CALN1: variants seen among roughly 807,000 people sequenced by gnomAD.
CALN1 encodes calcium-binding protein 8.
CALN1 carries 17 observed loss-of-function variants against 30.6 expected under a neutral mutation model. That is an observed-to-expected ratio of 0.56 (90% CI 0.38 to 0.83). The LOEUF (loss-of-function observed/expected upper bound fraction) is 0.83, where lower values mean the gene tolerates loss of function less well. Among genes scored for constraint, CALN1 ranks in the 40% least tolerant of loss-of-function variants. The pLI, the probability that CALN1 is intolerant of heterozygous loss-of-function variation, is 0.00. For synonymous variants in CALN1, 156 were observed against 131.4 expected (o/e 1.19, Z -1.28); for missense variants, 291 against 354.9 (o/e 0.82, Z 1.45).
At chr7:72,219,112 C>T (rs748543789) in intron 3 of CALN1, among the ~76,000 whole-genome samples, 1 of 152,172 alleles carries the variant, frequency 6.6e-6, no homozygotes, top group African/African-American at 2.4e-5. Context: ...AAGCACTCAG[C>T]CATTCTATTT....
At chr7:72,414,002 C>T (rs990390489), upstream of CALN1, among the ~76,000 whole-genome samples, 1 of 152,076 alleles carries the variant, frequency 6.6e-6, no homozygotes, top group Admixed American at 6.6e-5. Context: ...TTTTTGAGTC[C>T]CCTGCTACAA....
chr7:72,470,058 G>A, the CALN1 span, among the ~76,000 whole-genome samples: 2 of 152,128 alleles, frequency 1.3e-5, no homozygotes, highest in Admixed American at 6.6e-5. Context: ...ACATAGGCAC[G>A]TATGAGACAC....
At chr7:72,361,464 C>T (rs2129559799) in intron 2 of CALN1, among the ~76,000 whole-genome samples, 1 of 152,296 alleles carries the variant, frequency 6.6e-6, no homozygotes, top group South Asian at 2.1e-4. Context: ...TATGATGGCA[C>T]CACTGCACTC....
intron 4 of CALN1, among the ~76,000 whole-genome samples, chr7:72,105,070 G>A (rs567575854): frequency 3.3e-5 from 5 of 151,568 alleles, no homozygotes; most frequent in African/African-American, 1.2e-4. Context: ...GGTGCTTGGC[G>A]TTCTGCTCCT....
At chr7:72,050,682 A>C (rs1342261952) in intron 4 of CALN1, among the ~76,000 whole-genome samples, 1 of 152,200 alleles carries the variant, frequency 6.6e-6, no homozygotes. Context: ...TTGTTTTCAG[A>C]TGTAATTCAT....
At chr7:72,374,843 G>A (rs548896691) in intron 2 of CALN1, among the ~76,000 whole-genome samples, 2 of 152,100 alleles carry the variant, frequency 1.3e-5, no homozygotes, top group Non-Finnish European at 2.9e-5. Context: ...TTGCTCAAAT[G>A]AAAACCTGTA....
intron 3 of CALN1, among the ~76,000 whole-genome samples, chr7:72,209,965 T>A (rs1792276273): frequency 6.6e-6 from 1 of 152,126 alleles, no homozygotes; most frequent in African/African-American, 2.4e-5. Context: ...TTCTAGATAA[T>A]AAAAATTAAA....
chr7:72,298,804 A>T (rs74464636), intron 2 of CALN1, among the ~76,000 whole-genome samples: 16 of 7,448 alleles, frequency 2.1e-3, no homozygotes, highest in Admixed American at 5.5e-3. Context: ...TGATGGTTTT[A>T]AAAAAAAAAA....
At chr7:71,817,297 A>G (rs1172314761) in intron 5 of CALN1, among the ~76,000 whole-genome samples, 1 of 152,164 alleles carries the variant, frequency 6.6e-6, no homozygotes, top group Non-Finnish European at 1.5e-5. Flanking sequence ...CTGCAATTTT[A>G]AATTCCTCCC....
chr7:72,277,180 T>C (rs1436896732), intron 3 of CALN1, among the ~76,000 whole-genome samples: 8 of 152,148 alleles, frequency 5.3e-5, no homozygotes, highest in African/African-American at 1.7e-4. Context: ...ATCTTTATCT[T>C]AGACTTCCAA....
chr7:72,206,337 A>G (rs538758526), intron 3 of CALN1, among the ~76,000 whole-genome samples: 105 of 152,338 alleles, frequency 6.9e-4, no homozygotes, highest in African/African-American at 2.2e-3. Context: ...GACGTCTCAA[A>G]TAACTTTTAG....
chr7:71,824,399 T>C (rs1584303788), intron 5 of CALN1, among the ~76,000 whole-genome samples: 1 of 152,180 alleles, frequency 6.6e-6, no homozygotes, highest in South Asian at 2.1e-4. Context: ...AAAAGCAGAC[T>C]AACTGAACTT....
At chr7:72,331,219 G>A (rs771518274) in intron 2 of CALN1, among the ~76,000 whole-genome samples, 8 of 152,120 alleles carry the variant, frequency 5.3e-5, no homozygotes, top group East Asian at 1.9e-4. Flanking sequence ...GCATGGTGGC[G>A]GGAGCCCATA....
At chr7:72,112,422 T>C (rs1197218104) in intron 3 of CALN1, among the ~76,000 whole-genome samples, 1 of 152,226 alleles carries the variant, frequency 6.6e-6, no homozygotes, top group Non-Finnish European at 1.5e-5. Flanking sequence ...CATAAAGTGA[T>C]GGCTTTATTA....
chr7:72,039,202 G>C (rs1461828643), intron 4 of CALN1, among the ~76,000 whole-genome samples: 1 of 152,200 alleles, frequency 6.6e-6, no homozygotes, highest in Non-Finnish European at 1.5e-5. Flanking sequence ...GAATTCAGTT[G>C]TTCGTATCTA....
At chr7:72,406,933 C>T (rs1806736349) in intron 1 of CALN1, among the ~76,000 whole-genome samples, 1 of 152,072 alleles carries the variant, frequency 6.6e-6, no homozygotes, top group South Asian at 2.1e-4. Flanking sequence ...GCTTTTCATT[C>T]CAATAGGTGA....
chr7:71,984,417 T>A (rs1332565083), intron 5 of CALN1, among the ~76,000 whole-genome samples: 1 of 152,222 alleles, frequency 6.6e-6, no homozygotes, highest in African/African-American at 2.4e-5. Flanking sequence ...AGATGTAGTG[T>A]ATCATCCTTC....
chr7:72,498,885 A>G, the CALN1 span, among the ~76,000 whole-genome samples: 1 of 152,164 alleles, frequency 6.6e-6, no homozygotes, highest in African/African-American at 2.4e-5. Flanking sequence ...AATTATTCAT[A>G]TACTTATTTT....
intron 2 of CALN1, among the ~76,000 whole-genome samples, chr7:72,308,079 T>A (rs745896112): frequency 6.6e-6 from 1 of 152,024 alleles, no homozygotes; most frequent in Non-Finnish European, 1.5e-5. Flanking sequence ...ATCCACAAAC[T>A]AGGGCTGGGT....
Sources: gnomAD v4.1 joint callset for allele counts (sites outside exome capture counted in the v4.1 genomes callset) on GRCh38, gnomAD v4.1.1 for gene constraint, MANE v1.5 for transcripts, NCBI Gene and HGNC (gene_info 2026-07-23, HGNC 2026-07-21) for gene names.